NOMO3: variants seen among roughly 807,000 people sequenced by gnomAD.
NOMO3 encodes BOS complex subunit NOMO3.
A neutral mutation model predicts 69.9 loss-of-function variants in NOMO3; 15 were observed. The observed-to-expected ratio is 0.21, with a 90% CI of 0.14 to 0.33. The LOEUF is 0.33. NOMO3 is among the 10% of genes least tolerant of loss of function. NOMO3 has a pLI of 1.00. For missense variants in NOMO3, 218 were observed against 761.0 expected (o/e 0.29, Z 8.39); for synonymous variants, 89 against 301.9 (o/e 0.29, Z 7.31).
chr16:16,236,068 T>G (rs977559065), intron 1 of NOMO3: 8 of 170,220 alleles, frequency 4.7e-5, no homozygotes, highest in Non-Finnish European at 8.5e-5. Flanking sequence ...ATTAAATGTC[T>G]TTTTAGTCTC....
intron 5 of NOMO3, among the ~76,000 whole-genome samples, chr16:16,246,508 A>T (rs1416348293): frequency 7.6e-6 from 1 of 131,522 alleles, no homozygotes; most frequent in Admixed American, 7.3e-5. Context: ...ACAATGAAAC[A>T]TGTAGCACTG....
chr16:16,237,647 C>T (rs2049338338), intron 2 of NOMO3, among the ~76,000 whole-genome samples: 1 of 142,854 alleles, frequency 7.0e-6, no homozygotes, highest in Non-Finnish European at 1.5e-5. Context: ...CCCCCAGGTT[C>T]AAGCCATTTT....
chr16:16,234,080 A>T (rs71243458), intron 1 of NOMO3, among the ~76,000 whole-genome samples: 3,937 of 151,868 alleles, frequency 0.026, 171 homozygotes, highest in African/African-American at 0.09. Context: ...GCTTTTTCAG[A>T]CTGAAGAGGT....
At chr16:16,234,947 G>T (rs1008066715) in intron 1 of NOMO3, among the ~76,000 whole-genome samples, 1 of 152,116 alleles carries the variant, frequency 6.6e-6, no homozygotes, top group Non-Finnish European at 1.5e-5. Context: ...CTTGGGTTTT[G>T]TAGTGATCTG....
chr16:16,270,527 A>C (rs929455764), intron 17 of NOMO3, among the ~76,000 whole-genome samples: 1 of 38,222 alleles, frequency 2.6e-5, no homozygotes, highest in African/African-American at 1.8e-4. Flanking sequence ...TGTGGGTTTC[A>C]CTGGGAATTG....
At chr16:16,235,022 G>C (rs1321062558) in intron 1 of NOMO3, among the ~76,000 whole-genome samples, 3 of 151,926 alleles carry the variant, frequency 2.0e-5, no homozygotes, top group African/African-American at 7.3e-5. Context: ...TGAATTTCCA[G>C]TCCCTGCCTT....
intron 15 of NOMO3, among the ~76,000 whole-genome samples, chr16:16,266,318 T>C (rs2049618976): frequency 7.6e-6 from 1 of 132,320 alleles, no homozygotes. Context: ...TCATAATAAG[T>C]GATAGATATT....
chr16:16,240,766 C>T (rs1393471490), intron 3 of NOMO3, among the ~76,000 whole-genome samples: 2 of 143,240 alleles, frequency 1.4e-5, no homozygotes, highest in Non-Finnish European at 3.0e-5. Flanking sequence ...CTTGCTCGTG[C>T]ATTAGACAAG....
chr16:16,234,636 C>G (rs1459871017), intron 1 of NOMO3, among the ~76,000 whole-genome samples: 3 of 147,252 alleles, frequency 2.0e-5, no homozygotes, highest in Non-Finnish European at 3.0e-5. Context: ...CCATTCTTCT[C>G]TAGCTTTCTC....
At chr16:16,236,737 G>T (rs2049329780) in intron 1 of NOMO3, among the ~76,000 whole-genome samples, 164 bp from the exon 2 acceptor site, 1 of 144,080 alleles carries the variant, frequency 6.9e-6, no homozygotes, top group South Asian at 2.2e-4. Context: ...ATTTGGGAGA[G>T]AGTTTGTTGA....
intron 9 of NOMO3, among the ~76,000 whole-genome samples, chr16:16,254,477 A>C (rs1403648686): frequency 2.9e-5 from 4 of 139,874 alleles, no homozygotes; most frequent in Admixed American, 2.8e-4. Context: ...CCATTTGCTG[A>C]AAAAAAAAAT....
At chr16:16,234,034 G>A (rs1232921272) in intron 1 of NOMO3, among the ~76,000 whole-genome samples, 1 of 151,356 alleles carries the variant, frequency 6.6e-6, no homozygotes. Context: ...TTTAACAAGC[G>A]GATCCGTGAT....
In NOMO3 at chr16:16,265,675, T is replaced by G. The variant is rs1433195926; in HGVS notation, c.1806+496T>G. Among the ~76,000 whole-genome samples the G allele has an allele frequency of 1.2e-3, 33 of 28,022 alleles. 1 individual carries two copies. The highest frequency in any genetic ancestry group is 4.0e-3 in the South Asian group (2 of 506). The allele number at this position is 28,022 out of a possible 152,430, so 18.4% of individuals were successfully genotyped here. Reference sequence around the variant, plus strand: ...ATATATATATATATATATATATTTTTTTTTTTTTTTTTTTTTTTTTTTTGA... The same window carrying G: ...ATATATATATATATATATATATTTTGTTTTTTTTTTTTTTTTTTTTTTTGA... On this transcript the variant is annotated intron_variant, in intron 15 of 30. Coordinates refer to ENST00000399336, the MANE Select transcript of NOMO3 (RefSeq NM_001004067.4).
chr16:16,234,767 C>T (rs2049312767), intron 1 of NOMO3, among the ~76,000 whole-genome samples: 1 of 150,500 alleles, frequency 6.6e-6, no homozygotes, highest in African/African-American at 2.5e-5. Flanking sequence ...ACAGACAAAA[C>T]TCCATACTCT....
intron 15 of NOMO3, among the ~76,000 whole-genome samples, chr16:16,266,063 T>C (rs2049616862): frequency 7.0e-6 from 1 of 143,418 alleles, no homozygotes. Flanking sequence ...TTGTTGACTG[T>C]GGTCTCTGTG....
intron 16 of NOMO3, among the ~76,000 whole-genome samples, chr16:16,268,354 C>T (rs1245321423): frequency 6.8e-6 from 1 of 146,132 alleles, no homozygotes; most frequent in African/African-American, 2.7e-5. Flanking sequence ...ATATTCCCAC[C>T]AGCAATGCAC....
At chr16:16,258,770 C>G (rs1293724420) in intron 11 of NOMO3, among the ~76,000 whole-genome samples, 1 of 141,896 alleles carries the variant, frequency 7.0e-6, no homozygotes, top group Admixed American at 6.9e-5. Context: ...GAGGCTGAGG[C>G]AGGAGAATCG....
At chr16:16,254,070 A>T (rs1481043535) in intron 9 of NOMO3, among the ~76,000 whole-genome samples, 1 of 143,596 alleles carries the variant, frequency 7.0e-6, no homozygotes, top group Non-Finnish European at 1.5e-5. Context: ...GCATTTTAAG[A>T]TTCAGTGGAG....
At chr16:16,252,247 A>G in intron 8 of NOMO3, 147 bp downstream of exon 8, 1 of 1,536,304 alleles carries the variant, frequency 6.5e-7, no homozygotes, top group Non-Finnish European at 8.8e-7. Flanking sequence ...AAGATGAGAC[A>G]CTCACCCCTT....
Sources: gnomAD v4.1 joint callset for allele counts (sites outside exome capture counted in the v4.1 genomes callset) on GRCh38, gnomAD v4.1.1 for gene constraint, MANE v1.5 for transcripts, NCBI Gene and HGNC (gene_info 2026-07-23, HGNC 2026-07-21) for gene names.